LEFTY2: variants seen among roughly 807,000 people sequenced by gnomAD.
LEFTY2 encodes TGF-beta-4.
A neutral mutation model predicts 26.4 loss-of-function variants in LEFTY2; 10 were observed. The observed-to-expected ratio is 0.38, with a 90% CI of 0.23 to 0.64. LEFTY2 has a LOEUF of 0.64. Ranked by LOEUF, LEFTY2 falls within the 30% of genes least tolerant of loss-of-function variation. LEFTY2 has a pLI of 0.56. For missense variants in LEFTY2, 407 were observed against 502.1 expected, an observed-to-expected ratio of 0.81 and a Z score of 1.81; for synonymous variants, 204 against 234.1, an observed-to-expected ratio of 0.87 and a Z score of 1.17.
rs1466907608 is a variant in LEFTY2, at chr1:225,938,427, A to C, written c.738-623T>G. Reference sequence around the variant, plus strand: ...ATAGAAAAATCCATTGAAGATTGTCAAAGATATTTTTAAATAAAATAAATC... The same window carrying C: ...ATAGAAAAATCCATTGAAGATTGTCCAAGATATTTTTAAATAAAATAAATC... On this transcript the variant is annotated intron_variant, in intron 3 of 3. Coordinates refer to ENST00000366820, the MANE Select transcript of LEFTY2 (RefSeq NM_003240.5). Among the ~76,000 whole-genome samples, 3 of 152,276 alleles carry C rather than the reference A, an allele frequency of 2.0e-5. 1 individual carries two copies.
At chr1:225,937,905 C>T (rs1672198770) in intron 3 of LEFTY2, 101 bp from the exon 4 acceptor site, 1 of 1,417,658 alleles carries the variant, frequency 7.1e-7, no homozygotes, top group Non-Finnish European at 9.4e-7. Context: ...GGTTTATGAT[C>T]CAGCTCTCAC....
chr1:225,939,542 A>C lies in LEFTY2; in HGVS notation c.556T>G (p.Phe186Val), dbSNP rs752703165. Residue 186 changes from phenylalanine (F) to valine (V), a missense_variant, in exon 3 of 4, where the codon TTC (phenylalanine) becomes GTC (valine). Phe to Val is a conservative substitution (Grantham distance 50). Transcript: ENST00000366820. This position sits in a 1 kb window ranked among gnomAD's most constrained non-coding sequence, Gnocchi z 4.1. ...KAFDVTEAVNFWQQLSRPRQP... is the reference protein window; with the variant it reads ...KAFDVTEAVNVWQQLSRPRQP... Reference sequence around the variant, plus strand: ...CGGGGCCGGCTCAGCTGCTGCCAGAAGTTCACGGCCTCGGTCACGTCGAAG... The same window carrying C: ...CGGGGCCGGCTCAGCTGCTGCCAGACGTTCACGGCCTCGGTCACGTCGAAG... The C allele has an allele frequency of 3.1e-6, 5 of 1,611,736 alleles. No homozygotes were observed. The Admixed American group carries it at 6.7e-5, about 21-fold the overall frequency.
chr1:225,941,063 C>G lies in LEFTY2; in HGVS notation c.78G>C (p.Gln26His). Residue 26 changes from glutamine (Q) to histidine (H), a missense_variant, in exon 1 of 4, where the codon CAG becomes CAC. By Grantham distance (24) the Gln-to-His change is conservative (BLOSUM62 0). Transcript: ENST00000366820. ...AGPGAALTEE[Q>H]LLGSLLRQLQ... is the part of the protein sequence containing the mutation. ...GCTGCCGCAGCAGGCTGCCCAGGAG[C>G]TGCTCCTCGGTCAGGGCCGCCCCGG... is the stretch of plus-strand genomic sequence containing the variant. The G allele has an allele frequency of 6.2e-7, 1 of 1,609,356 alleles. No homozygotes were observed. The highest frequency in any genetic ancestry group is 1.7e-5 in the Admixed American group (1 of 59,744).
Position 225,940,945 on chromosome 1 carries a change from G to A in LEFTY2, c.196C>T (p.Arg66Trp), listed in dbSNP as rs370436460. ...HVRAQYVVLLRRSHGDRSRGK... is the reference protein window; with the variant it reads ...HVRAQYVVLLWRSHGDRSRGK... ...CGGGAGCGGTCCCCGTGGCTGCGCCGCAGCAGGACTACATACTGGGCCCTC... is the reference window on the plus strand; with the variant it reads ...CGGGAGCGGTCCCCGTGGCTGCGCCACAGCAGGACTACATACTGGGCCCTC... The change falls in exon 1 of 4, where the codon CGG becomes TGG. Residue 66 changes from arginine to tryptophan, a missense_variant. By Grantham distance (101) the Arg-to-Trp change is moderately radical. Coordinates refer to ENST00000366820, the MANE Select transcript of LEFTY2 (RefSeq NM_003240.5). The A allele has an allele frequency of 3.3e-5, 53 of 1,613,604 alleles. No individual in the cohort carries two copies. The East Asian group carries it at 5.1e-4, about 16-fold the overall frequency.
At position 225,939,972 on chromosome 1, in the gene LEFTY2, G is replaced by T; in HGVS notation, c.281C>A (p.Ala94Asp). ...EVAGRFLASE[A>D]STHLLVFGME... ...GCCGAACACCAGCAGGTGTGTGCTGGCCTCCGACGCCAGGAACCTGCCGGC... is the reference window on the plus strand; with the variant it reads ...GCCGAACACCAGCAGGTGTGTGCTGTCCTCCGACGCCAGGAACCTGCCGGC... The change falls in exon 2 of 4, where the codon GCC becomes GAC. Residue 94 changes from alanine to aspartate, a missense_variant. Coordinates refer to ENST00000366820, the MANE Select transcript of LEFTY2 (RefSeq NM_003240.5). The surrounding 1 kb of genome is among the most constrained non-coding windows in gnomAD (Gnocchi z 4.1). 2 of 1,595,502 alleles carry T rather than the reference G, an allele frequency of 1.3e-6. No individual in the cohort carries two copies. Among genetic ancestry groups the T allele is most frequent in the Middle Eastern group, 2.3e-4 (1 of 4,444 alleles).
Position 225,939,020 on chromosome 1 carries a change from C to A in LEFTY2, c.737+341G>T, listed in dbSNP as rs1437769931. Among the ~76,000 whole-genome samples the A allele has an allele frequency of 6.6e-6, 1 of 151,730 alleles. No individual in the cohort carries two copies. ...CTGAGTAGCTGGGATTACAGGCACG[C>A]GCCACCACGCCCGGCTAATTTTTGT... On this transcript the variant is annotated intron_variant, in intron 3 of 3. Transcript: ENST00000366820. This position sits in a 1 kb window ranked among gnomAD's most constrained non-coding sequence, Gnocchi z 4.1.
rs1558070703 is a variant in LEFTY2 at position 225,939,803 on chromosome 1, C to T, written c.450G>A (p.Leu150=). The T allele has an allele frequency of 6.4e-7, 1 of 1,561,496 alleles. No homozygotes were observed. The highest frequency in any genetic ancestry group is 1.2e-5 in the South Asian group (1 of 86,678). The part of the protein sequence containing the change: ...SAQARVTVEW[L]RVRDDGSNRT... Reference sequence around the variant, plus strand: ...GGTTGGAGCCGTCGTCGCGGACGCGCAGCCACTCGACGGTCACCCGGGCCT... The same window carrying T: ...GGTTGGAGCCGTCGTCGCGGACGCGTAGCCACTCGACGGTCACCCGGGCCT... The change falls in exon 2 of 4, where the codon CTG becomes CTA. Residue 150 remains leucine, a synonymous_variant. Coordinates refer to ENST00000366820, the MANE Select transcript of LEFTY2 (RefSeq NM_003240.5). This position sits in a 1 kb window ranked among gnomAD's most constrained non-coding sequence, Gnocchi z 4.1.
In LEFTY2 at chr1:225,939,612, TACAC is replaced by T. The variant is rs757421483; in HGVS notation, c.498-16_498-13del. On this transcript the variant is annotated splice_polypyrimidine_tract_variant and intron_variant, in intron 2 of 3. Transcript: ENST00000366820. This position sits in a 1 kb window ranked among gnomAD's most constrained non-coding sequence, Gnocchi z 4.1. ...GGACGGACACCAGCCTGAGACATGATACACACGACACGGAGACCCAGCGCCGCTT... is the reference window on the plus strand; with the variant it reads ...GGACGGACACCAGCCTGAGACATGATACGACACGGAGACCCAGCGCCGCTT... The T allele has an allele frequency of 6.2e-7, 1 of 1,612,392 alleles. No individual in the cohort carries two copies. The highest frequency in any genetic ancestry group is 8.5e-7 in the Non-Finnish European group (1 of 1,179,774).
At chr1:225,940,845 TG>T (rs1558071272) in intron 1 of LEFTY2, 45 bp downstream of exon 1, 1 of 1,612,276 alleles carries the variant, frequency 6.2e-7, no homozygotes, top group East Asian at 2.2e-5. Context: ...ACAACCGGCC[TG>T]CCCCCGACCA....
At position 225,940,901 on chromosome 1, in the gene LEFTY2, C is replaced by T; in HGVS notation, c.240G>A (p.Gln80=). The T allele has an allele frequency of 1.2e-6, 2 of 1,613,528 alleles. No homozygotes were observed. The highest frequency in any genetic ancestry group is 1.7e-6 in the Non-Finnish European group (2 of 1,179,736). The change falls in exon 1 of 4, where the codon CAG becomes CAA. Residue 80 remains glutamine (Q), a synonymous_variant. Transcript: ENST00000366820. ...GDRSRGKRFS[Q]SFREVAGRFL... ...GAGGGAGGGTCTCACCTCGGAAGCT[C>T]TGGCTGAACCTCTTTCCGCGGGAGC...
In LEFTY2 at chr1:225,937,597, CTG is replaced by C; in HGVS notation, c.943_944del (p.Gln315ValfsTer59). On this transcript the variant is annotated frameshift_variant, in exon 4 of 4. Coordinates refer to ENST00000366820, the MANE Select transcript of LEFTY2 (RefSeq NM_003240.5). LOFTEE classifies it high-confidence loss of function. ...AFNWPFLGPR[Q>X]CIASETASLP... ...GCGAGGCAGTCTCCGAGGCGATACA[CTG>C]TCGCGGCCCCAGAAATGGCCAATTG... 6.2e-7 allele frequency: 1 copy of C among 1,614,144 alleles called. No individual in the cohort carries two copies.
At position 225,940,533 on chromosome 1, in the gene LEFTY2, C is replaced by T. The variant is rs1466529819; in HGVS notation, c.250+358G>A. On this transcript the variant is annotated intron_variant, in intron 1 of 3. Transcript: ENST00000366820. ...CATTTACTCAAGGTCAGGCTCAGACCAGAGTGGCAGTGTGAAAACATACCC... is the reference window on the plus strand; with the variant it reads ...CATTTACTCAAGGTCAGGCTCAGACTAGAGTGGCAGTGTGAAAACATACCC... 2.0e-5 allele frequency among the ~76,000 whole-genome samples: 3 copies of T among 152,348 alleles called. No homozygotes were observed. The East Asian group carries it at 5.8e-4, about 29-fold the overall frequency.
At position 225,941,060 on chromosome 1, in the gene LEFTY2, G is replaced by A. The variant is rs764757236; in HGVS notation, c.81C>T (p.Leu27=). 5.6e-6 allele frequency: 9 copies of A among 1,610,010 alleles called. No individual in the cohort carries two copies. The Admixed American group carries it at 6.7e-5, about 12-fold the overall frequency. The change falls in exon 1 of 4, where the codon CTC becomes CTT. Residue 27 remains leucine, a synonymous_variant. Coordinates refer to ENST00000366820, the MANE Select transcript of LEFTY2 (RefSeq NM_003240.5). ...GCAGCTGCCGCAGCAGGCTGCCCAG[G>A]AGCTGCTCCTCGGTCAGGGCCGCCC... The part of the protein sequence containing the change: ...GPGAALTEEQ[L]LGSLLRQLQL...
chr1:225,939,315 C>T lies in LEFTY2; in HGVS notation c.737+46G>A, dbSNP rs1472123929. 6.2e-7 allele frequency: 1 copy of T among 1,612,370 alleles called. No individual in the cohort carries two copies. The highest frequency in any genetic ancestry group is 1.7e-5 in the Admixed American group (1 of 59,860). Reference sequence around the variant, plus strand: ...ACAGTCCTGGGGACGGGGGTCTGGACCACTCAGTGGCTGCTTGCCTCCCTT... The same window carrying T: ...ACAGTCCTGGGGACGGGGGTCTGGATCACTCAGTGGCTGCTTGCCTCCCTT... On this transcript the variant is annotated intron_variant, in intron 3 of 3. Coordinates refer to ENST00000366820, the MANE Select transcript of LEFTY2 (RefSeq NM_003240.5). The surrounding 1 kb of genome is among the most constrained non-coding windows in gnomAD (Gnocchi z 4.1).
Position 225,939,853 on chromosome 1 carries a change from C to T in LEFTY2, c.400G>A (p.Gly134Arg), listed in dbSNP as rs754829336. The change falls in exon 2 of 4, where the codon GGG becomes AGG. Residue 134 changes from glycine to arginine, a missense_variant. Coordinates refer to ENST00000366820, the MANE Select transcript of LEFTY2 (RefSeq NM_003240.5). This position sits in a 1 kb window ranked among gnomAD's most constrained non-coding sequence, Gnocchi z 4.1. Reference protein sequence around the residue: ...PVPKAALHRHGRLSPRSAQAR... With the variant: ...PVPKAALHRHRRLSPRSAQAR... ...TGGGCGCTGCGCGGGGACAGCCGCCCGTGCCTGTGCAGCGCGGCCTTGGGG... is the reference window on the plus strand; with the variant it reads ...TGGGCGCTGCGCGGGGACAGCCGCCTGTGCCTGTGCAGCGCGGCCTTGGGG... The T allele has an allele frequency of 6.5e-7, 1 of 1,544,818 alleles. No individual in the cohort carries two copies. Among genetic ancestry groups the T allele is most frequent in the African/African-American group, 1.4e-5 (1 of 73,998 alleles).
At chr1:225,940,490 G>A (rs1208783685) in intron 1 of LEFTY2, among the ~76,000 whole-genome samples, 2 of 152,240 alleles carry the variant, frequency 1.3e-5, no homozygotes, top group Non-Finnish European at 2.9e-5. Flanking sequence ...GCACATGGTG[G>A]AGAGAGGATT....
In LEFTY2 at chr1:225,941,064, T is replaced by TGCTCCTCGGTCAGGGCC; in HGVS notation, c.60_76dup (p.Gln26ArgfsTer3). The TGCTCCTCGGTCAGGGCC allele has an allele frequency of 1.9e-6, 3 of 1,608,480 alleles. No individual in the cohort carries two copies. Among genetic ancestry groups the TGCTCCTCGGTCAGGGCC allele is most frequent in the Non-Finnish European group, 2.5e-6 (3 of 1,177,652 alleles). On this transcript the variant is annotated stop_gained and frameshift_variant, in exon 1 of 4. Transcript: ENST00000366820. LOFTEE classifies it high-confidence loss of function. ...CTGCCGCAGCAGGCTGCCCAGGAGC[T>TGCTCCTCGGTCAGGGCC]GCTCCTCGGTCAGGGCCGCCCCGGG... is the stretch of plus-strand genomic sequence containing the variant.
rs776602814 is a variant in LEFTY2 at position 225,939,976 on chromosome 1, C to CCGA, written c.274_276dup (p.Ser92dup). ...AACACCAGCAGGTGTGTGCTGGCCT[C>CCGA]CGACGCCAGGAACCTGCCGGCCACC... On this transcript the variant is annotated inframe_insertion, in exon 2 of 4. Transcript: ENST00000366820. The surrounding 1 kb of genome is among the most constrained non-coding windows in gnomAD (Gnocchi z 4.1). The CCGA allele has an allele frequency of 6.3e-7, 1 of 1,595,658 alleles. No homozygotes were observed. The highest frequency in any genetic ancestry group is 8.5e-7 in the Non-Finnish European group (1 of 1,179,576).
Position 225,941,120 on chromosome 1 carries a change from G to T in LEFTY2, c.21C>A (p.Cys7Ter). Residue 7 changes from cysteine (C) to a stop codon, truncating the protein, a stop_gained, in exon 1 of 4, where the codon TGC becomes TGA. Coordinates refer to ENST00000366820, the MANE Select transcript of LEFTY2 (RefSeq NM_003240.5). LOFTEE classifies it high-confidence loss of function. ...CCAGGGGCAGCACCCAGAGTGCCCA[G>T]CAGAGCCACAGGGGCCACATGGTGC... The part of the protein sequence containing the change: MWPLWL[C>*]WALWVLPLAG... The T allele has an allele frequency of 1.3e-6, 2 of 1,575,060 alleles. No individual in the cohort carries two copies.
Sources: gnomAD v4.1 joint callset for allele counts (sites outside exome capture counted in the v4.1 genomes callset) on GRCh38, gnomAD v4.1.1 for gene constraint, Gnocchi (gnomAD v3.1) non-coding constraint, MANE v1.5 for transcripts, NCBI Gene and HGNC (gene_info 2026-07-23, HGNC 2026-07-21) for gene names.